NCAPH2: variants seen among roughly 807,000 people sequenced by gnomAD.
The protein encoded by NCAPH2 is condensin-2 complex subunit H2.
Under a neutral mutation model 88.6 loss-of-function variants are expected in NCAPH2, and 56 were observed. The observed-to-expected ratio is 0.63, with a 90% CI of 0.51 to 0.79. The LOEUF (loss-of-function observed/expected upper bound fraction) is 0.79, where lower values mean the gene tolerates loss of function less well. Ranked by LOEUF, NCAPH2 falls within the 30% of genes least tolerant of loss-of-function variation. NCAPH2 has a pLI of 0.00. For missense variants in NCAPH2, 794 were observed against 792.0 expected (o/e 1.00, Z -0.03); for synonymous variants, 378 against 313.6 (o/e 1.21, Z -2.17).
At chr22:50,511,520 T>C (rs2068782610) in intron 1 of NCAPH2, among the ~76,000 whole-genome samples, 1 of 143,178 alleles carries the variant, frequency 7.0e-6, no homozygotes, top group Non-Finnish European at 1.5e-5. Context: ...CTCGATCTCC[T>C]GACCTCATGA....
chr22:50,517,516 C>T, intron 3 of NCAPH2, 34 bp downstream of exon 3: 2 of 1,614,054 alleles, frequency 1.2e-6, no homozygotes, highest in Non-Finnish European at 1.7e-6. Context: ...TGCTGCCCTG[C>T]ATGTGGCCAG....
Position 50,516,469 on chromosome 22 carries a change from T to G in NCAPH2, c.131T>G (p.Phe44Cys). ...CAGCTGGATCAGATCTGCATTTCTT[T>G]TGACGAAGGCAAGACCACAATGAAC... is the stretch of plus-strand genomic sequence containing the variant. ...LEELDQICIS[F>C]DEGKTTMNFI... The change falls in exon 2 of 20, where the codon TTT (phenylalanine) becomes TGT (cysteine). Residue 44 changes from phenylalanine to cysteine, a missense_variant. Coordinates refer to ENST00000420993, the MANE Select transcript of NCAPH2 (RefSeq NM_152299.4). 1 of 1,614,212 alleles carries G rather than the reference T, an allele frequency of 6.2e-7. No individual in the cohort carries two copies. Among genetic ancestry groups the G allele is most frequent in the Non-Finnish European group, 8.5e-7 (1 of 1,180,030 alleles).
chr22:50,516,953 G>A (rs146089590), intron 2 of NCAPH2, among the ~76,000 whole-genome samples: 93 of 152,336 alleles, frequency 6.1e-4, no homozygotes, highest in East Asian at 4.2e-3. Flanking sequence ...AGTGAGTGAC[G>A]GGCTCTGTCC....
rs985148465 is a variant in NCAPH2, at chr22:50,523,612, C to G, written c.*237C>G. 1.2e-6 allele frequency: 2 copies of G among 1,613,116 alleles called. No homozygotes were observed. The highest frequency in any genetic ancestry group is 1.7e-5 in the Admixed American group (1 of 60,002). ...TGATGGGGCCCAGACTGCAGTGGCT[C>G]AAGACAGGACACTGCGGAAAGCCGC... On this transcript the variant is annotated 3_prime_UTR_variant, in exon 20 of 20. Transcript: ENST00000420993.
chr22:50,513,736 T>A (rs961944204), intron 1 of NCAPH2, among the ~76,000 whole-genome samples: 4 of 152,180 alleles, frequency 2.6e-5, no homozygotes, highest in African/African-American at 9.7e-5. Flanking sequence ...CACTCCAGCC[T>A]GGACAACAGA....
At position 50,523,475 on chromosome 22, in the gene NCAPH2, T is replaced by G. The variant is rs941072040; in HGVS notation, c.*100T>G. ...AATAAAGCAGTGTTGCCATCTCATC[T>G]TCCCCCTAAAAACCCTTTTATGTAC... On this transcript the variant is annotated 3_prime_UTR_variant, in exon 20 of 20. Coordinates refer to ENST00000420993, the MANE Select transcript of NCAPH2 (RefSeq NM_152299.4). 7 of 1,531,938 alleles carry G rather than the reference T, an allele frequency of 4.6e-6. No homozygotes were observed. Among genetic ancestry groups the G allele is most frequent in the Admixed American group, 2.0e-5 (1 of 50,436 alleles). The allele number at this position is 1,531,938 out of a possible 1,614,324, so 94.9% of individuals were successfully genotyped here. A position where few individuals can be genotyped will look rare whatever the true frequency, so the allele number is the denominator to read the frequency against.
intron 10 of NCAPH2, 143 bp from the exon 11 acceptor site, chr22:50,521,400 G>GAA (rs2148666457): frequency 1.2e-6 from 1 of 850,278 alleles, no homozygotes; most frequent in East Asian, 2.4e-5. Context: ...GGGTGGCTGT[G>GAA]CACCCCCTAC....
At chr22:50,509,742 T>G (rs1174015389) in intron 1 of NCAPH2, among the ~76,000 whole-genome samples, 1 of 152,162 alleles carries the variant, frequency 6.6e-6, no homozygotes, top group East Asian at 1.9e-4. Flanking sequence ...TGGCTTTCCA[T>G]TATGCCCAGA....
At position 50,508,453 on chromosome 22, in the gene NCAPH2, C is replaced by T. The variant is rs1264841845; in HGVS notation, c.108+8C>T. The T allele has an allele frequency of 1.1e-5, 3 of 282,522 alleles. No individual in the cohort carries two copies. Among genetic ancestry groups the T allele is most frequent in the South Asian group, 6.0e-5 (1 of 16,564 alleles). The allele number at this position is 282,522 out of a possible 1,614,324, so 17.5% of individuals were successfully genotyped here. A position where few individuals can be genotyped will look rare whatever the true frequency, so the allele number is the denominator to read the frequency against. On this transcript the variant is annotated splice_region_variant and intron_variant, in intron 1 of 19. Transcript: ENST00000420993. The stretch of plus-strand genomic sequence containing the variant: ...GGCGAGTATCTGGAGGAGGTAAGGG[C>T]GGCGGGGGAGTGACGCGGGGTGGGC...
At position 50,508,288 on chromosome 22, in the gene NCAPH2, C is replaced by T. The variant is rs759845590; in HGVS notation, c.-50C>T. 2.2e-6 allele frequency: 3 copies of T among 1,354,044 alleles called. No homozygotes were observed. The highest frequency in any genetic ancestry group is 3.2e-5 in the Admixed American group (1 of 31,308). 83.9% of individuals were successfully genotyped at this position (1,354,044 alleles called of 1,614,324 possible). A position where few individuals can be genotyped will look rare whatever the true frequency, so the allele number is the denominator to read the frequency against. On this transcript the variant is annotated 5_prime_UTR_variant, in exon 1 of 20. Coordinates refer to ENST00000420993, the MANE Select transcript of NCAPH2 (RefSeq NM_152299.4). Reference sequence around the variant, plus strand: ...TAGTGGCGGGCTGAGGACGCCGTACCCCTCGGAAGGCAGCCCTGCGGTCCC... The same window carrying T: ...TAGTGGCGGGCTGAGGACGCCGTACTCCTCGGAAGGCAGCCCTGCGGTCCC...
chr22:50,514,302 G>A (rs1478646143), intron 1 of NCAPH2, among the ~76,000 whole-genome samples: 2 of 151,982 alleles, frequency 1.3e-5, no homozygotes, highest in Admixed American at 6.6e-5. Context: ...GTGGAGAGTG[G>A]ACGGGAGGGG....
chr22:50,519,963 C>T (rs10854880), intron 9 of NCAPH2, among the ~76,000 whole-genome samples: 32,064 of 151,772 alleles, frequency 0.21, 4,171 homozygotes, highest in Non-Finnish European at 0.28. Context: ...CTCCGCCTCC[C>T]GGGTTCACGC....
At chr22:50,514,582 G>C (rs1479396388) in intron 1 of NCAPH2, among the ~76,000 whole-genome samples, 1 of 152,192 alleles carries the variant, frequency 6.6e-6, no homozygotes, top group Admixed American at 6.5e-5. Flanking sequence ...AGTGTCTTGG[G>C]AGTGGGCAAG....
intron 2 of NCAPH2, among the ~76,000 whole-genome samples, chr22:50,517,137 C>T (rs1228126526): frequency 6.6e-6 from 1 of 152,222 alleles, no homozygotes; most frequent in Non-Finnish European, 1.5e-5. Flanking sequence ...ATGAGGCACA[C>T]TGTGGGAACC....
In NCAPH2 at chr22:50,519,287, T is replaced by C. The variant is rs2069017060; in HGVS notation, c.828T>C (p.Ala276=). 1 of 1,607,252 alleles carries C rather than the reference T, an allele frequency of 6.2e-7. No individual in the cohort carries two copies. The highest frequency in any genetic ancestry group is 8.5e-7 in the Non-Finnish European group (1 of 1,177,580). ...ELPEASAPKA[A]LEPKESRSPQ... ...CTGAGGCCTCGGCCCCCAAGGCCGC[T>C]CTGGAGCCCAAGGAGTCCAGGAGCC... The change falls in exon 9 of 20, where the codon GCT becomes GCC. Residue 276 remains alanine (A), a synonymous_variant. Coordinates refer to ENST00000420993, the MANE Select transcript of NCAPH2 (RefSeq NM_152299.4).
chr22:50,515,404 AT>A (rs1009978550), intron 1 of NCAPH2, among the ~76,000 whole-genome samples: 40 of 147,730 alleles, frequency 2.7e-4, no homozygotes, highest in African/African-American at 6.2e-4. Context: ...CTACAAAAAC[AT>A]TTTTTTTTTG....
chr22:50,523,713 A>C lies in NCAPH2; in HGVS notation c.*338A>C, dbSNP rs771501501. ...CGTAGTAATCCGTGAAGAGGCCGTCAGGGTTGAGCAGGTAGATGGCAATGG... is the reference window on the plus strand; with the variant it reads ...CGTAGTAATCCGTGAAGAGGCCGTCCGGGTTGAGCAGGTAGATGGCAATGG... On this transcript the variant is annotated 3_prime_UTR_variant, in exon 20 of 20. Coordinates refer to ENST00000420993, the MANE Select transcript of NCAPH2 (RefSeq NM_152299.4). The C allele has an allele frequency of 1.9e-6, 3 of 1,614,066 alleles. No homozygotes were observed. In the Admixed American group the frequency reaches 5.0e-5, roughly 27 times the overall value.
At position 50,523,775 on chromosome 22, in the gene NCAPH2, G is replaced by T; in HGVS notation, c.*400G>T. ...ATGTAGTCCTGGTCCTCATCCTTGG[G>T]GCCTGCATTGTAGTACACGCGGTAA... On this transcript the variant is annotated 3_prime_UTR_variant, in exon 20 of 20. Transcript: ENST00000420993. 1 of 1,614,156 alleles carries T rather than the reference G, an allele frequency of 6.2e-7. No individual in the cohort carries two copies. Among genetic ancestry groups the T allele is most frequent in the Non-Finnish European group, 8.5e-7 (1 of 1,180,008 alleles).
chr22:50,521,167 C>T (rs1171542265), intron 10 of NCAPH2, 131 bp downstream of exon 10: 3 of 1,018,930 alleles, frequency 2.9e-6, no homozygotes, highest in African/African-American at 1.6e-5. Context: ...CACTTGCTCT[C>T]TTAAAGACCC....
Sources: allele counts gnomAD v4.1 joint callset (sites outside exome capture counted in the v4.1 genomes callset), GRCh38; gene constraint gnomAD v4.1.1; transcripts MANE v1.5; gene names NCBI Gene and HGNC (gene_info 2026-07-23, HGNC 2026-07-21).